Variants in RLF observed in about 807,000 individuals in gnomAD.
RLF encodes RLF zinc finger.
In RLF, 7 loss-of-function variants were observed where a neutral mutation model predicts 162.9. The ratio of observed to expected loss-of-function variants is 0.04; its 90% CI spans 0.02 to 0.08. The LOEUF is 0.08. RLF is among the 10% of genes least tolerant of loss of function. RLF has a pLI of 1.00. For synonymous variants in RLF, 782 were observed against 791.5 expected (o/e 0.99, Z 0.20); for missense variants, 1,664 against 2,244.7 (o/e 0.74, Z 5.23).
chr1:40,224,793 C>G (rs1453234816), intron 6 of RLF, among the ~76,000 whole-genome samples: 1 of 150,364 alleles, frequency 6.7e-6, no homozygotes, highest in Non-Finnish European at 1.5e-5. Flanking sequence ...TCAAGACCAG[C>G]CTGACCAACA....
chr1:40,240,426 G>A lies in RLF; in HGVS notation c.5724G>A (p.Glu1908=). ...TATTTCCAACAAAAAAGACAGATGA[G>A]CTTTGTGTAGGAAGTTCATAAGTAG... The part of the protein sequence containing the change: ...LDLFPTKKTD[E]LCVGSS Residue 1908 remains glutamate, a synonymous_variant, in exon 8 of 8, where the codon GAG becomes GAA. Transcript: ENST00000372771. The A allele has an allele frequency of 2.5e-6, 4 of 1,613,394 alleles. No homozygotes were observed. Among genetic ancestry groups the A allele is most frequent in the Non-Finnish European group, 1.7e-6 (2 of 1,179,616 alleles).
At chr1:40,222,951 C>T (rs1487053407) in intron 6 of RLF, among the ~76,000 whole-genome samples, 1 of 152,076 alleles carries the variant, frequency 6.6e-6, no homozygotes, top group Non-Finnish European at 1.5e-5. Flanking sequence ...ATGTCTTCTA[C>T]CTTGAAGATA....
chr1:40,240,553 A>C lies in RLF; in HGVS notation c.*106A>C. 1.3e-6 allele frequency: 1 copy of C among 760,102 alleles called. No homozygotes were observed. Among genetic ancestry groups the C allele is most frequent in the Non-Finnish European group, 2.2e-6 (1 of 454,674 alleles). The allele number at this position is 760,102 out of a possible 1,614,324, so 47.1% of individuals were successfully genotyped here. A position where few individuals can be genotyped will look rare whatever the true frequency, so the allele number is the denominator to read the frequency against. ...GCAGCCACACCGTTGTTTAGGGTAG[A>C]ATAGGCTGTGTATTTACATGAATGT... On this transcript the variant is annotated 3_prime_UTR_variant, in exon 8 of 8. Coordinates refer to ENST00000372771, the MANE Select transcript of RLF (RefSeq NM_012421.4).
intron 5 of RLF, among the ~76,000 whole-genome samples, chr1:40,207,758 G>A (rs1217287456): frequency 2.0e-5 from 3 of 152,196 alleles, no homozygotes; most frequent in South Asian, 2.1e-4. Context: ...TTGCAGACGT[G>A]CGCCACTACA....
At chr1:40,235,306 G>A (rs1643203436) in intron 7 of RLF, among the ~76,000 whole-genome samples, 1 of 152,008 alleles carries the variant, frequency 6.6e-6, no homozygotes, top group South Asian at 2.1e-4. Context: ...ACCTGCCTCG[G>A]CCTCCCAAAG....
chr1:40,190,664 C>A, intron 2 of RLF, 108 bp from the exon 3 acceptor site: 1 of 700,740 alleles, frequency 1.4e-6, no homozygotes, highest in Non-Finnish European at 2.3e-6. Context: ...AGAGTAAAAA[C>A]ATTTAAAATA....
At chr1:40,231,879 A>C (rs1643155356) in intron 7 of RLF, among the ~76,000 whole-genome samples, 1 of 152,210 alleles carries the variant, frequency 6.6e-6, no homozygotes, top group South Asian at 2.1e-4. Context: ...ATTTCTAATT[A>C]CTGTGAATGA....
At chr1:40,175,580 C>T (rs1260312086) in intron 1 of RLF, among the ~76,000 whole-genome samples, 2 of 151,704 alleles carry the variant, frequency 1.3e-5, no homozygotes, top group African/African-American at 4.8e-5. Flanking sequence ...ACCCGGGAGG[C>T]GGAGGTTGCA....
At chr1:40,220,619 AG>A (rs1642979360) in intron 5 of RLF, among the ~76,000 whole-genome samples, 1 of 152,222 alleles carries the variant, frequency 6.6e-6, no homozygotes, top group Admixed American at 6.5e-5. Flanking sequence ...GATATCCATT[AG>A]GGCAAAAATT....
chr1:40,216,225 G>A lies in RLF; in HGVS notation c.811-6349G>A, dbSNP rs868422709. ...GGCCAGGTGCGGAGGCTCAACGCCTGTAATCCTAGCGCTTTGGGAGGCCAA... is the reference window on the plus strand; with the variant it reads ...GGCCAGGTGCGGAGGCTCAACGCCTATAATCCTAGCGCTTTGGGAGGCCAA... On this transcript the variant is annotated intron_variant, in intron 5 of 7. Coordinates refer to ENST00000372771, the MANE Select transcript of RLF (RefSeq NM_012421.4). Among the ~76,000 whole-genome samples, 4 of 152,286 alleles carry A rather than the reference G, an allele frequency of 2.6e-5. No homozygotes were observed. The East Asian group carries it at 5.8e-4, about 22-fold the overall frequency.
At chr1:40,174,282 A>G (rs1642285434) in intron 1 of RLF, among the ~76,000 whole-genome samples, 1 of 152,126 alleles carries the variant, frequency 6.6e-6, no homozygotes, top group Non-Finnish European at 1.5e-5. Context: ...GAGGCAGGAG[A>G]ATCGCTTGAA....
At chr1:40,167,808 T>C (rs181762244) in intron 1 of RLF, among the ~76,000 whole-genome samples, 1 of 151,654 alleles carries the variant, frequency 6.6e-6, no homozygotes, top group Admixed American at 6.6e-5. Context: ...GCCTAGTCTC[T>C]AAAACTTAAT....
At chr1:40,192,673 TGTA>T (rs1023866639) in intron 3 of RLF, among the ~76,000 whole-genome samples, 4 of 152,158 alleles carry the variant, frequency 2.6e-5, no homozygotes, top group African/African-American at 7.2e-5. Context: ...AGTAAATAAA[TGTA>T]GTAGGGGTAC....
In RLF at chr1:40,209,283, G is replaced by A. The variant is rs77178126; in HGVS notation, c.810+6669G>A. Among the ~76,000 whole-genome samples, 378 of 152,316 alleles carry A rather than the reference G, an allele frequency of 2.5e-3. 2 individuals carry two copies. Among genetic ancestry groups the A allele is most frequent in the African/African-American group, 8.7e-3 (362 of 41,566 alleles). ...GACATTGTCATTTACTAGCCATACAGCCTTGGCCAGGTAGCTTTATTTTCC... is the reference window on the plus strand; with the variant it reads ...GACATTGTCATTTACTAGCCATACAACCTTGGCCAGGTAGCTTTATTTTCC... On this transcript the variant is annotated intron_variant, in intron 5 of 7. Transcript: ENST00000372771.
intron 6 of RLF, among the ~76,000 whole-genome samples, chr1:40,224,622 G>GTTTT (rs1557757506): frequency 1.5e-4 from 2 of 13,514 alleles, no homozygotes; most frequent in South Asian, 2.8e-3. Context: ...GTTTTTGAAA[G>GTTTT]CTTTTTTTTT....
rs143486074 is a variant in RLF at position 40,222,254 on chromosome 1, A to G, written c.811-320A>G. Among the ~76,000 whole-genome samples, 120 of 152,312 alleles carry G rather than the reference A, an allele frequency of 7.9e-4. 1 individual carries two copies. The highest frequency in any genetic ancestry group is 2.5e-3 in the African/African-American group (102 of 41,564). On this transcript the variant is annotated intron_variant, in intron 5 of 7. Coordinates refer to ENST00000372771, the MANE Select transcript of RLF (RefSeq NM_012421.4). ...AAGACAGGAACAGGAAAGAAAAAAAAACATAGTAATACTTCAGGTAAAAAT... is the reference window on the plus strand; with the variant it reads ...AAGACAGGAACAGGAAAGAAAAAAAGACATAGTAATACTTCAGGTAAAAAT...
chr1:40,199,529 G>A (rs1642681919), intron 4 of RLF, among the ~76,000 whole-genome samples: 1 of 152,208 alleles, frequency 6.6e-6, no homozygotes, highest in African/African-American at 2.4e-5. Flanking sequence ...ACAGCTGTGT[G>A]TCAGAATCAG....
At chr1:40,166,476 C>G (rs915621507) in intron 1 of RLF, among the ~76,000 whole-genome samples, 3 of 151,896 alleles carry the variant, frequency 2.0e-5, no homozygotes, top group Non-Finnish European at 4.4e-5. Context: ...TATAGAAATA[C>G]CATTTGACCC....
intron 6 of RLF, among the ~76,000 whole-genome samples, chr1:40,226,318 G>GTC (rs1365298889): frequency 1.3e-5 from 2 of 152,082 alleles, no homozygotes; most frequent in Non-Finnish European, 2.9e-5. Context: ...ATTTGAAAAA[G>GTC]GTGACCATTT....
Sources: gnomAD v4.1 joint callset for allele counts (sites outside exome capture counted in the v4.1 genomes callset) on GRCh38, gnomAD v4.1.1 for gene constraint, MANE v1.5 for transcripts, NCBI Gene and HGNC (gene_info 2026-07-23, HGNC 2026-07-21) for gene names.